IQSEC3: variants seen among roughly 807,000 people sequenced by gnomAD.
The protein encoded by IQSEC3 is IQ motif and Sec7 domain ArfGEF 3.
In IQSEC3, 50 loss-of-function variants were observed where a neutral mutation model predicts 105.4. The ratio of observed to expected loss-of-function variants is 0.47; its 90% CI spans 0.38 to 0.60. The LOEUF is 0.60. Ranked by LOEUF, IQSEC3 falls within the 20% of genes least tolerant of loss-of-function variation. The probability of loss-of-function intolerance (pLI) is 0.00; values close to 1 mark genes in which losing one functional copy is unlikely to be tolerated. For missense variants in IQSEC3, 1,415 were observed against 1,630.0 expected (o/e 0.87, Z 2.27); for synonymous variants, 708 against 746.0 (o/e 0.95, Z 0.83).
intron 1 of IQSEC3, among the ~76,000 whole-genome samples, chr12:68,718 A>C (rs1446319578): frequency 6.6e-6 from 1 of 152,266 alleles, no homozygotes; most frequent in African/African-American, 2.4e-5. Context: ...AGGTGCATTA[A>C]GTCTGGGAGA....
Position 138,182 on chromosome 12 carries a change from T to A in IQSEC3, c.904-85T>A. On this transcript the variant is annotated intron_variant, in intron 3 of 13. Transcript: ENST00000538872. The surrounding 1 kb of genome is among the most constrained non-coding windows in gnomAD (Gnocchi z 7.1). ...TCCATTCCTGGGCCCCACCCGAGTG[T>A]GGCCGGGTGACTCCACCACTCCTCA... 2.4e-6 allele frequency: 3 copies of A among 1,263,596 alleles called. No individual in the cohort carries two copies. In the South Asian group the frequency reaches 4.2e-5, roughly 18 times the overall value. 78.3% of individuals were successfully genotyped at this position (1,263,596 alleles called of 1,614,324 possible). A position where few individuals can be genotyped will look rare whatever the true frequency, so the allele number is the denominator to read the frequency against.
chr12:113,677 A>C lies in IQSEC3; in HGVS notation c.624-11956A>C, dbSNP rs922435206. The stretch of plus-strand genomic sequence containing the variant: ...AGAAACAAACTCATAAGAGACTGAC[A>C]TATCATATTAGTATGAATTTACGAA... On this transcript the variant is annotated intron_variant, in intron 2 of 13. Transcript: ENST00000538872. 1.3e-4 allele frequency among the ~76,000 whole-genome samples: 20 copies of C among 152,252 alleles called. 1 individual carries two copies. The East Asian group carries it at 3.8e-3, about 29-fold the overall frequency.
intron 5 of IQSEC3, 132 bp downstream of exon 5, chr12:141,417 AC>A: frequency 1.1e-6 from 1 of 934,220 alleles, no homozygotes; most frequent in Non-Finnish European, 1.6e-6. Context: ...GTCCACAGGA[AC>A]CAGAATCCCC....
At position 171,154 on chromosome 12, in the gene IQSEC3, C is replaced by T. The variant is rs782274285; in HGVS notation, c.3107C>T (p.Thr1036Met). The change falls in exon 13 of 14, where the codon ACG becomes ATG. Residue 1036 changes from threonine to methionine, a missense_variant. By Grantham distance (81) the Thr-to-Met change is moderately conservative. Around this residue, in one of 6 missense-constraint regions of IQSEC3, gnomAD observed 419 missense variants for 436.2 expected, o/e 0.96. Transcript: ENST00000538872. ...CTCAGGGAGAGGCCGGCGGAGAGCA[C>T]GGTGGAGGTAAGTGGAGCCCTGGTT... The part of the protein sequence containing the change: ...AALRERPAES[T>M]VEVSIHNRLQ... 17 of 1,613,984 alleles carry T rather than the reference C, an allele frequency of 1.1e-5. No homozygotes were observed. Among genetic ancestry groups the T allele is most frequent in the African/African-American group, 2.7e-5 (2 of 74,894 alleles).
intron 13 of IQSEC3, 100 bp downstream of exon 13, chr12:171,261 C>T (rs781912649): frequency 1.2e-6 from 2 of 1,614,022 alleles, no homozygotes; most frequent in South Asian, 1.1e-5. Context: ...TAATCAATGC[C>T]TCCCCAGCCC....
At chr12:118,438 A>T (rs1555081126) in intron 2 of IQSEC3, among the ~76,000 whole-genome samples, 1 of 150,986 alleles carries the variant, frequency 6.6e-6, no homozygotes, top group African/African-American at 2.4e-5. Context: ...AGGGGACGTG[A>T]CGCATGTTGT....
intron 8 of IQSEC3, among the ~76,000 whole-genome samples, chr12:162,770 C>T (rs1456686790): frequency 2.6e-5 from 4 of 152,180 alleles, no homozygotes; most frequent in African/African-American, 9.7e-5. Flanking sequence ...GTCTTACACG[C>T]TGGAGTAGAT....
In IQSEC3 at chr12:174,848, A is replaced by G. The variant is rs767542765; in HGVS notation, c.3364A>G (p.Thr1122Ala). 1 of 1,578,506 alleles carries G rather than the reference A, an allele frequency of 6.3e-7. No individual in the cohort carries two copies. Among genetic ancestry groups the G allele is most frequent in the Admixed American group, 1.7e-5 (1 of 57,600 alleles). Reference sequence around the variant, plus strand: ...GCTGAGCCAGGCTCTCTCCTGCTACACCTCGTCGTCCTCTGACTCCTGCGG... The same window carrying G: ...GCTGAGCCAGGCTCTCTCCTGCTACGCCTCGTCGTCCTCTGACTCCTGCGG... Reference protein sequence around the residue: ...PLLSQALSCYTSSSSDSCGST... With the variant: ...PLLSQALSCYASSSSDSCGST... Residue 1122 changes from threonine (T) to alanine (A), a missense_variant, in exon 14 of 14, where the codon ACC becomes GCC. Thr to Ala is a moderately conservative substitution (Grantham distance 58, BLOSUM62 0). Around this residue, in one of 6 missense-constraint regions of IQSEC3, gnomAD observed 419 missense variants for 436.2 expected, o/e 0.96. Transcript: ENST00000538872.
chr12:97,598 T>C (rs946422747), intron 1 of IQSEC3, among the ~76,000 whole-genome samples: 10 of 152,228 alleles, frequency 6.6e-5, no homozygotes, highest in African/African-American at 2.2e-4. Flanking sequence ...GAGGATTGCC[T>C]GAGGCCAGGA....
rs782029989 is a variant in IQSEC3, at chr12:169,075, G to A, written c.3034G>A (p.Asp1012Asn). The change falls in exon 12 of 14, where the codon GAC becomes AAC. Residue 1012 changes from aspartate to asparagine, a missense_variant. Transcript: ENST00000538872. ...CTTCAAGCCCTGCGGAGCCCAGGGG[G>A]ACCCACAGTCAAAGCAAGGATCGCC... ...LSFKPCGAQG[D>N]PQSKQGSPTA... 1.1e-5 allele frequency: 18 copies of A among 1,613,880 alleles called. No homozygotes were observed. The highest frequency in any genetic ancestry group is 1.7e-6 in the Non-Finnish European group (2 of 1,180,020).
intron 13 of IQSEC3, among the ~76,000 whole-genome samples, chr12:174,201 CCCTCCTTTG>C (rs1424446275): frequency 6.6e-6 from 1 of 152,172 alleles, no homozygotes; most frequent in Non-Finnish European, 1.5e-5. Flanking sequence ...CCTGGGTCTG[CCCTCCTTTG>C]CCTCAGCACA....
At chr12:169,524 A>G (rs1286007015) in intron 12 of IQSEC3, among the ~76,000 whole-genome samples, 1 of 152,192 alleles carries the variant, frequency 6.6e-6, no homozygotes, top group Non-Finnish European at 1.5e-5. Flanking sequence ...AAGGATCTGG[A>G]TCTTGCTCTT....
chr12:90,505 T>C (rs1224223821), intron 1 of IQSEC3, among the ~76,000 whole-genome samples: 5 of 152,250 alleles, frequency 3.3e-5, no homozygotes, highest in African/African-American at 1.2e-4. Flanking sequence ...TTTTTATGTA[T>C]GGCATAAGGC....
rs781806827 is a variant in IQSEC3 at position 139,124 on chromosome 12, C to T, written c.1761C>T (p.Ala587=). ...EEETAEVGRG[A]EAEAGDLEQL... is the part of the protein sequence containing the mutation. ...AGACGGCGGAGGTGGGGAGAGGGGC[C>T]GAGGCCGAGGCAGGCGACTTGGAGC... is the stretch of plus-strand genomic sequence containing the variant. The change falls in exon 4 of 14, where the codon GCC becomes GCT. Residue 587 remains alanine, a synonymous_variant. Transcript: ENST00000538872. 2.0e-6 allele frequency: 3 copies of T among 1,514,886 alleles called. No homozygotes were observed. Among genetic ancestry groups the T allele is most frequent in the South Asian group, 1.2e-5 (1 of 80,050 alleles). The allele number at this position is 1,514,886 out of a possible 1,614,324, so 93.8% of individuals were successfully genotyped here.
chr12:159,204 C>T (rs1249901196), intron 7 of IQSEC3, among the ~76,000 whole-genome samples: 1 of 152,218 alleles, frequency 6.6e-6, no homozygotes, highest in Non-Finnish European at 1.5e-5. Context: ...GAGGACCTCC[C>T]CTGATTCAGC....
At chr12:153,825 C>T (rs538899089) in intron 5 of IQSEC3, among the ~76,000 whole-genome samples, 3 of 152,280 alleles carry the variant, frequency 2.0e-5, no homozygotes, top group Admixed American at 1.3e-4. Context: ...CTTTAAAAGC[C>T]GCAGTGAGGC....
chr12:138,029 G>A lies in IQSEC3; in HGVS notation c.904-238G>A, dbSNP rs1055318133. On this transcript the variant is annotated intron_variant, in intron 3 of 13. Coordinates refer to ENST00000538872, the MANE Select transcript of IQSEC3 (RefSeq NM_001170738.2). The surrounding 1 kb of genome is among the most constrained non-coding windows in gnomAD (Gnocchi z 7.1). ...ACGCCATATGCAGCACCTCCCTCCTGGCCCTTGAGACATCACTAGTCCCCA... is the reference window on the plus strand; with the variant it reads ...ACGCCATATGCAGCACCTCCCTCCTAGCCCTTGAGACATCACTAGTCCCCA... Among the ~76,000 whole-genome samples the A allele has an allele frequency of 5.9e-5, 9 of 152,156 alleles. No homozygotes were observed. The highest frequency in any genetic ancestry group is 3.4e-3 in the Middle Eastern group (1 of 294).
intron 2 of IQSEC3, among the ~76,000 whole-genome samples, chr12:119,780 T>A (rs1204033700): frequency 3.3e-5 from 5 of 152,176 alleles, no homozygotes; most frequent in Non-Finnish European, 7.3e-5. Context: ...AATTGGTGCC[T>A]GCGTGTGGAC....
chr12:87,386 G>GA (rs1215399299), intron 1 of IQSEC3, among the ~76,000 whole-genome samples: 2 of 152,178 alleles, frequency 1.3e-5, no homozygotes, highest in Admixed American at 1.3e-4. Flanking sequence ...CATGGGAGGG[G>GA]AGTGTTTCAA....
Sources: allele counts gnomAD v4.1 joint callset (sites outside exome capture counted in the v4.1 genomes callset), GRCh38; gene constraint gnomAD v4.1.1; regional missense constraint gnomAD v4.1.1; non-coding constraint Gnocchi (gnomAD v3.1); transcripts MANE v1.5; gene names NCBI Gene and HGNC (gene_info 2026-07-23, HGNC 2026-07-21).